Variants in PAPPA2 observed in about 807,000 individuals in gnomAD.
PAPPA2 encodes the protein pappalysin 2, also known as pappalysin-2.
A neutral mutation model predicts 176.4 loss-of-function variants in PAPPA2; 86 were observed. The observed-to-expected ratio is 0.49, with a 90% CI of 0.41 to 0.58. PAPPA2 has a LOEUF of 0.58. Ranked by LOEUF, PAPPA2 falls within the 20% of genes least tolerant of loss-of-function variation. PAPPA2 has a pLI of 0.00. For missense variants in PAPPA2, 2,073 were observed against 2,256.9 expected, an observed-to-expected ratio of 0.92 and a Z score of 1.65; for synonymous variants, 809 against 852.2, an observed-to-expected ratio of 0.95 and a Z score of 0.88.
chr1:176,642,982 C>T (rs1167301941), intron 3 of PAPPA2, among the ~76,000 whole-genome samples: 1 of 151,784 alleles, frequency 6.6e-6, no homozygotes, highest in Non-Finnish European at 1.5e-5. Flanking sequence ...AAATGCATTG[C>T]CTTTTCTGGG....
chr1:176,778,178 AC>A (rs1664548022), intron 17 of PAPPA2, among the ~76,000 whole-genome samples: 1 of 151,908 alleles, frequency 6.6e-6, no homozygotes, highest in Non-Finnish European at 1.5e-5. Context: ...CAAAATAGAA[AC>A]TTTATTAAAT....
intron 8 of PAPPA2, among the ~76,000 whole-genome samples, chr1:176,701,733 C>A (rs1300008533): frequency 6.6e-6 from 1 of 152,144 alleles, no homozygotes; most frequent in Admixed American, 6.5e-5. Flanking sequence ...GTCCCAGCAA[C>A]CCTTTGAGAT....
At position 176,493,565 on chromosome 1, in the gene PAPPA2, G is replaced by A. The variant is rs144963991; in HGVS notation, c.-917+30147G>A. ...TCCCTTCTCAGGAGCAAAACCAATA[G>A]CATGAGAGCAGAGAAGAATACATAT... On this transcript the variant is annotated intron_variant, in intron 1 of 22. Transcript: ENST00000367662. Among the ~76,000 whole-genome samples, 85 of 152,226 alleles carry A rather than the reference G, an allele frequency of 5.6e-4. 2 individuals carry two copies. The East Asian group carries it at 0.016, about 29-fold the overall frequency.
At chr1:176,645,763 T>C (rs1254466762) in intron 3 of PAPPA2, among the ~76,000 whole-genome samples, 15 of 151,632 alleles carry the variant, frequency 9.9e-5, no homozygotes. Flanking sequence ...TTGTTGTCTG[T>C]CTTTTTGATA....
intron 1 of PAPPA2, among the ~76,000 whole-genome samples, chr1:176,494,690 C>T (rs1356387390): frequency 2.0e-5 from 3 of 152,158 alleles, no homozygotes; most frequent in Non-Finnish European, 4.4e-5. Context: ...AACTCTGTCC[C>T]ACCCGGCCTT....
At chr1:176,682,187 G>A (rs1191841438) in intron 4 of PAPPA2, among the ~76,000 whole-genome samples, 2 of 152,184 alleles carry the variant, frequency 1.3e-5, no homozygotes, top group Non-Finnish European at 2.9e-5. Flanking sequence ...GGAAGTCTTT[G>A]GTAACGTCAA....
At chr1:176,629,954 G>C (rs1236463297) in intron 3 of PAPPA2, among the ~76,000 whole-genome samples, 3 of 152,146 alleles carry the variant, frequency 2.0e-5, no homozygotes, top group Non-Finnish European at 4.4e-5. Flanking sequence ...AGCTACTCTG[G>C]AGGCTGGGGC....
intron 3 of PAPPA2, among the ~76,000 whole-genome samples, 160 bp downstream of exon 3, chr1:176,595,755 T>C (rs188126922): frequency 1.1e-3 from 164 of 152,348 alleles, no homozygotes; most frequent in African/African-American, 3.7e-3. Flanking sequence ...CTAGGTGTTC[T>C]GTTAGGTAAT....
chr1:176,835,541 C>T lies in PAPPA2; in HGVS notation c.5203-4632C>T, dbSNP rs189316327. ...GTTGTTGTTGTTGTTGTTTTTGAGA[C>T]GGAGTTTCACTCTTGTCACCCAGAC... On this transcript the variant is annotated intron_variant, in intron 21 of 22. Coordinates refer to ENST00000367662, the MANE Select transcript of PAPPA2 (RefSeq NM_020318.3). Among the ~76,000 whole-genome samples, 171 of 152,148 alleles carry T rather than the reference C, an allele frequency of 1.1e-3. 1 individual carries two copies. The highest frequency in any genetic ancestry group is 1.3e-3 in the African/African-American group (54 of 41,534).
intron 17 of PAPPA2, among the ~76,000 whole-genome samples, chr1:176,785,502 G>A (rs1664896254): frequency 6.6e-6 from 1 of 152,106 alleles, no homozygotes; most frequent in African/African-American, 2.4e-5. Context: ...AAGAATCTTT[G>A]AGGCTGAGAG....
intron 21 of PAPPA2, among the ~76,000 whole-genome samples, chr1:176,805,523 C>T (rs1443929076): frequency 1.3e-5 from 2 of 152,150 alleles, no homozygotes; most frequent in Non-Finnish European, 2.9e-5. Flanking sequence ...GTTAGCTATG[C>T]GCAGTACCTG....
chr1:176,828,847 C>G (rs1455164738), intron 21 of PAPPA2, among the ~76,000 whole-genome samples: 1 of 151,612 alleles, frequency 6.6e-6, no homozygotes, highest in East Asian at 1.9e-4. Context: ...ACTAAAAATA[C>G]AAAAAATTAG....
Position 176,478,767 on chromosome 1 carries a change from T to C in PAPPA2, c.-917+15349T>C, listed in dbSNP as rs187335238. On this transcript the variant is annotated intron_variant, in intron 1 of 22. Transcript: ENST00000367662. ...TCTTGAGTTCAAAGATAAGGAGTAA[T>C]CTCGCTCAACCATTGTTGAAGTCTC... Among the ~76,000 whole-genome samples the C allele has an allele frequency of 2.4e-3, 363 of 152,338 alleles. 3 individuals are homozygous for C. The highest frequency in any genetic ancestry group is 8.5e-4 in the Non-Finnish European group (58 of 68,036).
intron 2 of PAPPA2, among the ~76,000 whole-genome samples, chr1:176,566,649 G>T (rs1366655921): frequency 6.6e-6 from 1 of 152,192 alleles, no homozygotes; most frequent in African/African-American, 2.4e-5. Context: ...CAGAGGCAGG[G>T]CTGGAAAGTA....
intron 12 of PAPPA2, among the ~76,000 whole-genome samples, chr1:176,721,221 A>G (rs775560440): frequency 8.5e-5 from 13 of 152,240 alleles, no homozygotes; most frequent in Non-Finnish European, 1.9e-4. Flanking sequence ...AGGTTGCAAT[A>G]CGCATTCTAA....
rs1558478928 is a variant in PAPPA2, at chr1:176,623,601, TCCTTCCTTCC to T, written c.1991+28007_1991+28016del. On this transcript the variant is annotated intron_variant, in intron 3 of 22. Transcript: ENST00000367662. Reference sequence around the variant, plus strand: ...CTCCTTCCTTCCTTCCTTCCTTCCTTCCTTCCTTCCTTCCTTCCTTCCTTTTTTACTTTCT... The same window carrying T: ...CTCCTTCCTTCCTTCCTTCCTTCCTTTTCCTTCCTTCCTTTTTTACTTTCT... Among the ~76,000 whole-genome samples, 99 of 145,524 alleles carry T rather than the reference TCCTTCCTTCC, an allele frequency of 6.8e-4. 1 individual carries two copies. Among genetic ancestry groups the T allele is most frequent in the Middle Eastern group, 3.4e-3 (1 of 290 alleles).
chr1:176,693,549 G>A (rs1660222640), intron 6 of PAPPA2, among the ~76,000 whole-genome samples: 1 of 152,234 alleles, frequency 6.6e-6, no homozygotes, highest in South Asian at 2.1e-4. Context: ...CTTCAGCTTT[G>A]CTGAAAGCCT....
intron 10 of PAPPA2, among the ~76,000 whole-genome samples, chr1:176,709,531 G>T (rs751292130): frequency 2.0e-5 from 3 of 152,090 alleles, no homozygotes; most frequent in African/African-American, 7.2e-5. Flanking sequence ...CAAACCCCCC[G>T]TGATACTTTA....
At chr1:176,553,089 C>T (rs571098086) in intron 1 of PAPPA2, among the ~76,000 whole-genome samples, 8 of 151,996 alleles carry the variant, frequency 5.3e-5, no homozygotes, top group Admixed American at 1.3e-4. Context: ...CACTTTTGCT[C>T]GGGGGTGTGT....
Sources: allele counts gnomAD v4.1 joint callset (sites outside exome capture counted in the v4.1 genomes callset), GRCh38; gene constraint gnomAD v4.1.1; transcripts MANE v1.5; gene names NCBI Gene and HGNC (gene_info 2026-07-23, HGNC 2026-07-21).